The following CCDC91 variants were observed in gnomAD, a reference collection of about 807,000 sequenced individuals.
CCDC91 encodes the protein coiled-coil domain-containing protein 91.
A neutral mutation model predicts 63.2 loss-of-function variants in CCDC91; 48 were observed. The ratio of observed to expected loss-of-function variants is 0.76; its 90% CI spans 0.60 to 0.97. The LOEUF (loss-of-function observed/expected upper bound fraction) is 0.97. Ranked by LOEUF, CCDC91 falls within the 50% of genes least tolerant of loss-of-function variation. The pLI is 0.00. For missense variants in CCDC91, 500 were observed against 494.6 expected (o/e 1.01, Z -0.10); for synonymous variants, 167 against 165.8 (o/e 1.01, Z -0.06).
rs1267134304 is a variant in CCDC91 at position 28,478,017 on chromosome 12, G to C, written c.1102-6035G>C. ...CTCATGGATAGGAATAATCAATATC[G>C]TGAAAATGGCCATACTGCCCAAGGT... is the stretch of plus-strand genomic sequence containing the variant. On this transcript the variant is annotated intron_variant, in intron 11 of 12. Coordinates refer to ENST00000536442, the MANE Select transcript of CCDC91 (RefSeq NM_018318.5). Among the ~76,000 whole-genome samples the C allele has an allele frequency of 3.9e-5, 6 of 152,086 alleles. No individual in the cohort carries two copies. In the South Asian group the frequency reaches 1.2e-3, roughly 32 times the overall value.
At chr12:28,274,431 A>C (rs974737960) in intron 3 of CCDC91, among the ~76,000 whole-genome samples, 23 of 151,990 alleles carry the variant, frequency 1.5e-4, no homozygotes, top group African/African-American at 3.4e-4. Flanking sequence ...TTACCTTGGG[A>C]AGTATGGCCA....
intron 6 of CCDC91, among the ~76,000 whole-genome samples, chr12:28,313,714 G>C (rs1401416919): frequency 2.0e-5 from 3 of 152,108 alleles, no homozygotes; most frequent in Middle Eastern, 3.4e-3. Flanking sequence ...TAGTACAATG[G>C]GGGTGTGTGC....
chr12:28,336,373 G>A (rs1941983770), intron 6 of CCDC91, among the ~76,000 whole-genome samples: 1 of 152,080 alleles, frequency 6.6e-6, no homozygotes, highest in African/African-American at 2.4e-5. Flanking sequence ...GATTTTTAAA[G>A]TGCTCCTTAA....
intron 3 of CCDC91, among the ~76,000 whole-genome samples, chr12:28,298,475 C>T (rs1236263242): frequency 1.3e-5 from 2 of 150,358 alleles, no homozygotes; most frequent in African/African-American, 2.4e-5. Context: ...TGGGGGTTAA[C>T]GTGACTCCTG....
At chr12:28,228,775 CAT>C (rs762695361) in intron 1 of CCDC91, among the ~76,000 whole-genome samples, 6 of 152,034 alleles carry the variant, frequency 3.9e-5, no homozygotes, top group Non-Finnish European at 8.8e-5. Context: ...AAAGCTGAAA[CAT>C]GTTAGGTTAA....
At chr12:28,254,772 C>CTTTTTTT (rs34812000) in intron 1 of CCDC91, among the ~76,000 whole-genome samples, 2 of 128,828 alleles carry the variant, frequency 1.6e-5, no homozygotes, top group Non-Finnish European at 1.6e-5. Flanking sequence ...GTATCATCTG[C>CTTTTTTT]TTTTTTTTTT....
chr12:28,521,901 C>T (rs1940713840), intron 12 of CCDC91, among the ~76,000 whole-genome samples: 1 of 152,118 alleles, frequency 6.6e-6, no homozygotes, highest in Admixed American at 6.5e-5. Context: ...GGCAAACCAG[C>T]CTTGCATCCC....
chr12:28,372,288 C>CT (rs1306080811), intron 7 of CCDC91, among the ~76,000 whole-genome samples: 1 of 151,882 alleles, frequency 6.6e-6, no homozygotes, highest in East Asian at 1.9e-4. Flanking sequence ...CAGATTTGTT[C>CT]TTTTTGCTTA....
chr12:28,483,355 T>C (rs1951546846), intron 11 of CCDC91, among the ~76,000 whole-genome samples: 1 of 152,128 alleles, frequency 6.6e-6, no homozygotes. Flanking sequence ...ATTCATTCCA[T>C]TTCATGATAC....
intron 12 of CCDC91, among the ~76,000 whole-genome samples, chr12:28,503,855 T>C (rs1268378856): frequency 1.3e-5 from 2 of 151,688 alleles, no homozygotes; most frequent in Non-Finnish European, 2.9e-5. Flanking sequence ...AAACACCACA[T>C]GTTCTCACTC....
At chr12:28,412,704 G>A in intron 8 of CCDC91, 2 of 452,522 alleles carry the variant, frequency 4.4e-6, no homozygotes, top group Admixed American at 2.4e-5. Flanking sequence ...GGGGTGGTCA[G>A]CTTTTATCCC....
intron 1 of CCDC91, among the ~76,000 whole-genome samples, chr12:28,200,805 G>C (rs1006205337): frequency 5.3e-5 from 8 of 151,938 alleles, no homozygotes; most frequent in African/African-American, 1.9e-4. Context: ...CTCCCAGACG[G>C]GGTGGTGGCC....
intron 8 of CCDC91, among the ~76,000 whole-genome samples, chr12:28,447,853 A>T (rs1266701898): frequency 7.4e-5 from 1 of 13,562 alleles, no homozygotes; most frequent in Non-Finnish European, 1.3e-4. Flanking sequence ...AGGGGAGGGG[A>T]GGGGAGGGGA....
At chr12:28,363,225 A>G (rs1944018558) in intron 7 of CCDC91, among the ~76,000 whole-genome samples, 1 of 152,084 alleles carries the variant, frequency 6.6e-6, no homozygotes, top group African/African-American at 2.4e-5. Flanking sequence ...CTACTTTTAT[A>G]TACTTAAATG....
At chr12:28,232,419 A>G (rs1944658944) in intron 1 of CCDC91, among the ~76,000 whole-genome samples, 1 of 152,030 alleles carries the variant, frequency 6.6e-6, no homozygotes, top group South Asian at 2.1e-4. Flanking sequence ...TCTTGTAGCT[A>G]TTATGTACTT....
chr12:28,273,420 C>T (rs1308587766), intron 3 of CCDC91, among the ~76,000 whole-genome samples: 1 of 152,194 alleles, frequency 6.6e-6, no homozygotes, highest in Non-Finnish European at 1.5e-5. Flanking sequence ...GCCACACTGA[C>T]TTCCACAATG....
chr12:28,344,913 T>C (rs1339677263), intron 6 of CCDC91, among the ~76,000 whole-genome samples: 1 of 152,162 alleles, frequency 6.6e-6, no homozygotes, highest in Non-Finnish European at 1.5e-5. Flanking sequence ...GAAGCTGGTA[T>C]TATTATTTCC....
chr12:28,542,460 A>G (rs1364735204), intron 12 of CCDC91, among the ~76,000 whole-genome samples: 1 of 152,028 alleles, frequency 6.6e-6, no homozygotes, highest in Non-Finnish European at 1.5e-5. Context: ...AATATACTCT[A>G]AAGTCAAGAA....
At chr12:28,495,166 A>G (rs1395684346) in intron 12 of CCDC91, among the ~76,000 whole-genome samples, 1 of 151,716 alleles carries the variant, frequency 6.6e-6, no homozygotes. Context: ...GAGGATTTAC[A>G]GTCTCTATCT....
Sources: gnomAD v4.1 joint callset for allele counts (sites outside exome capture counted in the v4.1 genomes callset) on GRCh38, gnomAD v4.1.1 for gene constraint, MANE v1.5 for transcripts, NCBI Gene and HGNC (gene_info 2026-07-23, HGNC 2026-07-21) for gene names.